The following RYR2 variants were observed in gnomAD, a reference collection of about 807,000 sequenced individuals.
RYR2 encodes cardiac muscle ryanodine receptor-calcium release channel.
RYR2 carries 227 observed loss-of-function variants against 601.1 expected under a neutral mutation model. The ratio of observed to expected loss-of-function variants is 0.38; its 90% CI spans 0.34 to 0.42. The LOEUF (loss-of-function observed/expected upper bound fraction) is 0.42, where lower values mean the gene tolerates loss of function less well. RYR2 is among the 10% of genes least tolerant of loss of function. The probability of loss-of-function intolerance (pLI) is 1.00; values close to 1 mark genes in which losing one functional copy is unlikely to be tolerated. For missense variants in RYR2, 4,646 were observed against 6,156.5 expected, an observed-to-expected ratio of 0.75 and a Z score of 8.21; for synonymous variants, 2,223 against 2,175.1, an observed-to-expected ratio of 1.02 and a Z score of -0.61.
intron 39 of RYR2, among the ~76,000 whole-genome samples, chr1:237,624,986 T>G (rs1318052832): frequency 6.6e-6 from 1 of 152,064 alleles, no homozygotes; most frequent in African/African-American, 2.4e-5. Flanking sequence ...TGTATGTGTG[T>G]GTATATATAT....
In RYR2 at chr1:237,377,217, A is replaced by G. The variant is rs1701113610; in HGVS notation, c.464-106A>G. On this transcript the variant is annotated intron_variant, in intron 7 of 104. Coordinates refer to ENST00000366574, the MANE Select transcript of RYR2 (RefSeq NM_001035.3). ...TTCATGGTGTAAGAGATTAATTTGC[A>G]TTAATTCCGGATTTCTGAAAGTTGT... is the stretch of plus-strand genomic sequence containing the variant. 1.1e-5 allele frequency: 8 copies of G among 723,320 alleles called. No individual in the cohort carries two copies. In the South Asian group the frequency reaches 1.3e-4, roughly 12 times the overall value. 44.8% of individuals were successfully genotyped at this position (723,320 alleles called of 1,614,324 possible). A position where few individuals can be genotyped will look rare whatever the true frequency, so the allele number is the denominator to read the frequency against.
chr1:237,233,930 T>C (rs916941275), intron 1 of RYR2, among the ~76,000 whole-genome samples: 5 of 152,028 alleles, frequency 3.3e-5, no homozygotes, highest in African/African-American at 1.2e-4. Flanking sequence ...TGTCTTGAGC[T>C]ACCCATCCAC....
In RYR2 at chr1:237,660,838, A is replaced by T; in HGVS notation, c.8327A>T (p.Lys2776Ile). The change falls in exon 56 of 105, where the codon AAA becomes ATA. Residue 2776 changes from lysine (K) to isoleucine (I), a missense_variant. By Grantham distance (102) the Lys-to-Ile change is moderately radical. Coordinates refer to ENST00000366574, the MANE Select transcript of RYR2 (RefSeq NM_001035.3). ...AAAGAAATTTATCGCTGGCCAATCA[A>T]AGAATCTTTAAAAACTATGCTGGCT... ...KEKEIYRWPI[K>I]ESLKTMLAWG... 1 of 1,546,550 alleles carries T rather than the reference A, an allele frequency of 6.5e-7. No homozygotes were observed. Among genetic ancestry groups the T allele is most frequent in the Non-Finnish European group, 8.7e-7 (1 of 1,143,800 alleles).
At chr1:237,216,690 C>T (rs1382694317) in intron 1 of RYR2, among the ~76,000 whole-genome samples, 1 of 150,520 alleles carries the variant, frequency 6.6e-6, no homozygotes, top group Non-Finnish European at 1.5e-5. Context: ...TGAGCGAGAT[C>T]GTACTATTGC....
At chr1:237,304,093 G>C (rs1265947678) in intron 2 of RYR2, among the ~76,000 whole-genome samples, 2 of 152,276 alleles carry the variant, frequency 1.3e-5, no homozygotes, top group East Asian at 3.9e-4. Context: ...TTTGCAATAG[G>C]ATGATTTCTG....
intron 2 of RYR2, among the ~76,000 whole-genome samples, chr1:237,292,552 G>A (rs1438426363): frequency 6.6e-6 from 1 of 152,120 alleles, no homozygotes; most frequent in Non-Finnish European, 1.5e-5. Context: ...TTGTATTGAT[G>A]AAGTACTCTG....
chr1:237,624,011 TATGGCAAA>T (rs1573182224), intron 39 of RYR2, 141 bp downstream of exon 39: 1 of 637,266 alleles, frequency 1.6e-6, no homozygotes, highest in East Asian at 2.8e-5. Context: ...CATTTATTAT[TATGGCAAA>T]ATGGCAAAAT....
chr1:237,080,737 C>G (rs1665515406), intron 1 of RYR2, among the ~76,000 whole-genome samples: 1 of 71,538 alleles, frequency 1.4e-5, no homozygotes, highest in African/African-American at 5.0e-5. Flanking sequence ...CCTCAGGGAT[C>G]TAGAACTAGA....
At chr1:237,794,020 CTT>C in intron 95 of RYR2, 23 bp downstream of exon 95, 5 of 1,586,934 alleles carry the variant, frequency 3.2e-6, no homozygotes, top group Non-Finnish European at 2.6e-6. Flanking sequence ...TTATATGAGA[CTT>C]TCTGCACTCA....
chr1:237,185,495 C>T (rs1679246590), intron 1 of RYR2, among the ~76,000 whole-genome samples: 1 of 152,154 alleles, frequency 6.6e-6, no homozygotes, highest in Non-Finnish European at 1.5e-5. Context: ...ATTTCTAGCA[C>T]CTTCACTCCT....
intron 1 of RYR2, among the ~76,000 whole-genome samples, chr1:237,167,841 C>A (rs1474211366): frequency 6.6e-6 from 1 of 151,314 alleles, no homozygotes; most frequent in Non-Finnish European, 1.5e-5. Flanking sequence ...ATCCTCTTGT[C>A]CCGGCTTTCA....
chr1:237,682,298 A>G (rs1431013213), intron 62 of RYR2, among the ~76,000 whole-genome samples: 1 of 152,134 alleles, frequency 6.6e-6, no homozygotes, highest in Non-Finnish European at 1.5e-5. Context: ...AATCAGAGGT[A>G]CATCGCTATT....
chr1:237,409,564 A>G (rs1704238455), intron 10 of RYR2, among the ~76,000 whole-genome samples: 1 of 152,130 alleles, frequency 6.6e-6, no homozygotes, highest in South Asian at 2.1e-4. Context: ...GAAATAAAAA[A>G]CAGTGATTTC....
In RYR2 at chr1:237,509,883, C is replaced by T. The variant is rs560220964; in HGVS notation, c.2719-1805C>T. ...GCAGAGGACCTGGCATGTGTAAAAG[C>T]GAGGAGGCAGAAGAGACAGGACATT... On this transcript the variant is annotated intron_variant, in intron 23 of 104. Transcript: ENST00000366574. Among the ~76,000 whole-genome samples, 35 of 152,228 alleles carry T rather than the reference C, an allele frequency of 2.3e-4. No individual in the cohort carries two copies. In the South Asian group the frequency reaches 7.3e-3, roughly 32 times the overall value.
At chr1:237,170,875 A>G (rs1677286227) in intron 1 of RYR2, among the ~76,000 whole-genome samples, 1 of 152,134 alleles carries the variant, frequency 6.6e-6, no homozygotes, top group Non-Finnish European at 1.5e-5. Context: ...AAGTAAGTGT[A>G]GGCATCTGCG....
chr1:237,724,207 A>G (rs866489827), intron 74 of RYR2, among the ~76,000 whole-genome samples: 1 of 111,388 alleles, frequency 9.0e-6, no homozygotes, highest in Non-Finnish European at 2.2e-5. Flanking sequence ...ATATATATAT[A>G]TATATATATA....
At chr1:237,763,452 ATTCC>A (rs1693592203) in intron 84 of RYR2, among the ~76,000 whole-genome samples, 1 of 152,204 alleles carries the variant, frequency 6.6e-6, no homozygotes, top group Non-Finnish European at 1.5e-5. Context: ...TTTTTCCTCT[ATTCC>A]TTTGAAAATC....
rs766952783 is a variant in RYR2, at chr1:237,798,077, T to C, written c.13997T>C (p.Ile4666Thr). The C allele has an allele frequency of 1.2e-6, 2 of 1,611,750 alleles. No homozygotes were observed. The highest frequency in any genetic ancestry group is 2.2e-5 in the South Asian group (2 of 90,432). The change falls in exon 97 of 105, where the codon ATC becomes ACC. Residue 4666 changes from isoleucine (I) to threonine (T), a missense_variant. Ile to Thr is a moderately conservative substitution (Grantham distance 89). Around this residue, in one of 17 missense-constraint regions of RYR2, gnomAD observed 76 missense variants for 97.4 expected, o/e 0.78. Coordinates refer to ENST00000366574, the MANE Select transcript of RYR2 (RefSeq NM_001035.3). ...KYGEFYGRDR[I>T]SELLGMDKAA... ...GGAGAGTTCTACGGCCGAGACAGAA[T>C]CAGTGAATTACTTGGCATGGACAAG...
chr1:237,423,382 C>G, intron 12 of RYR2, 134 bp downstream of exon 12: 1 of 1,073,600 alleles, frequency 9.3e-7, no homozygotes, highest in East Asian at 2.6e-5. Flanking sequence ...TTCCCAGTTT[C>G]TCTTCCATAC....
Sources: allele counts gnomAD v4.1 joint callset (sites outside exome capture counted in the v4.1 genomes callset), GRCh38; gene constraint gnomAD v4.1.1; regional missense constraint gnomAD v4.1.1; transcripts MANE v1.5; gene names NCBI Gene and HGNC (gene_info 2026-07-23, HGNC 2026-07-21).